FAM13B: variants seen among roughly 807,000 people sequenced by gnomAD.
FAM13B encodes family with sequence similarity 13 member B.
Under a neutral mutation model 117.3 loss-of-function variants are expected in FAM13B, and 60 were observed. That is an observed-to-expected ratio of 0.51 (90% confidence interval 0.42 to 0.63). The LOEUF is 0.63. FAM13B is among the 30% of genes least tolerant of loss of function. The probability of loss-of-function intolerance (pLI) is 0.00; values close to 1 mark genes in which losing one functional copy is unlikely to be tolerated. For synonymous variants in FAM13B, 332 were observed against 356.1 expected (o/e 0.93, Z 0.76); for missense variants, 972 against 1,091.9 (o/e 0.89, Z 1.55).
At chr5:137,954,503 C>CAA (rs1554116716) in intron 14 of FAM13B, 127 bp from the exon 15 acceptor site, 1 of 547,844 alleles carries the variant, frequency 1.8e-6, no homozygotes, top group Non-Finnish European at 3.2e-6. Flanking sequence ...TACATACACA[C>CAA]ATACACACAC....
chr5:137,967,176 A>C (rs978893998), intron 10 of FAM13B, among the ~76,000 whole-genome samples: 1 of 152,182 alleles, frequency 6.6e-6, no homozygotes, highest in African/African-American at 2.4e-5. Flanking sequence ...AAAAGACAAA[A>C]AACTGGAAAC....
chr5:137,992,335 T>G (rs1581194210), intron 7 of FAM13B, among the ~76,000 whole-genome samples: 1 of 148,144 alleles, frequency 6.8e-6, no homozygotes, highest in African/African-American at 2.5e-5. Flanking sequence ...GGCTCATGCC[T>G]GTAATCTCAG....
intron 1 of FAM13B, among the ~76,000 whole-genome samples, chr5:138,025,045 G>T (rs1309335115): frequency 1.3e-5 from 2 of 151,482 alleles, no homozygotes; most frequent in African/African-American, 4.9e-5. Flanking sequence ...TAATTTTTTT[G>T]TATTTTTTGG....
At position 137,962,399 on chromosome 5, in the gene FAM13B, G is replaced by A; in HGVS notation, c.1244+6C>T. 1 of 1,612,610 alleles carries A rather than the reference G, an allele frequency of 6.2e-7. No homozygotes were observed. Among genetic ancestry groups the A allele is most frequent in the Non-Finnish European group, 8.5e-7 (1 of 1,179,220 alleles). ...TGATTAATTAGCAACAAGAAAAAAT[G>A]CTTACCTCTCAAGACAGCCATCTTC... On this transcript the variant is annotated splice_donor_region_variant and intron_variant, in intron 11 of 23. Transcript: ENST00000689681.
upstream of FAM13B, chr5:138,033,083 G>T (rs900212793): frequency 1.2e-5 from 12 of 985,966 alleles, no homozygotes; most frequent in African/African-American, 8.7e-5. Flanking sequence ...AGCGGCTGGC[G>T]GGCGGAGGCC....
rs1791745216 is a variant in FAM13B at position 138,049,641 on chromosome 5, A to G, written c.-203+2237T>C. 2.0e-5 allele frequency among the ~76,000 whole-genome samples: 3 copies of G among 152,100 alleles called. No homozygotes were observed. In the South Asian group the frequency reaches 6.2e-4, roughly 32 times the overall value. Reference sequence around the variant, plus strand: ...GGAGTAAGTTACCAAGCAAAACAGGATTTTCCATCTGTCAGCCTCCATTCC... The same window carrying G: ...GGAGTAAGTTACCAAGCAAAACAGGGTTTTCCATCTGTCAGCCTCCATTCC... On this transcript the variant is annotated intron_variant, in intron 1 of 3. Coordinates refer to the FAM13B transcript ENST00000502471.
chr5:137,982,917 A>C (rs930257371), intron 10 of FAM13B, among the ~76,000 whole-genome samples: 1 of 152,188 alleles, frequency 6.6e-6, no homozygotes, highest in Non-Finnish European at 1.5e-5. Flanking sequence ...TGCTTGGTAA[A>C]AATATACCAG....
intron 1 of FAM13B, among the ~76,000 whole-genome samples, chr5:138,032,318 A>G (rs1377520649): frequency 6.6e-6 from 1 of 152,222 alleles, no homozygotes; most frequent in Non-Finnish European, 1.5e-5. Context: ...GCAACCACTC[A>G]TCTCACGTGA....
At chr5:137,977,875 G>A (rs1232387340) in intron 10 of FAM13B, among the ~76,000 whole-genome samples, 2 of 152,156 alleles carry the variant, frequency 1.3e-5, no homozygotes, top group Non-Finnish European at 2.9e-5. Flanking sequence ...CAGAGAAACT[G>A]TTGGAAACAT....
intron 7 of FAM13B, among the ~76,000 whole-genome samples, chr5:137,993,439 C>A (rs1375885282): frequency 2.0e-5 from 3 of 151,852 alleles, no homozygotes; most frequent in East Asian, 3.9e-4. Flanking sequence ...CCAGCCTGGG[C>A]AACATAGCAA....
At chr5:138,012,033 C>CCCTG (rs1376717340) in intron 4 of FAM13B, 88 bp from the exon 5 acceptor site, 5 of 856,842 alleles carry the variant, frequency 5.8e-6, no homozygotes, top group Non-Finnish European at 7.1e-6. Context: ...CCACCCACAT[C>CCCTG]ACCTTTTTAA....
rs1214698034 is a variant in FAM13B at position 137,962,430 on chromosome 5, C to T, written c.1219G>A (p.Asp407Asn). The change falls in exon 11 of 24, where the codon GAT becomes AAT. Residue 407 changes from aspartate (D) to asparagine (N), a missense_variant. By Grantham distance (23) the Asp-to-Asn change is conservative (BLOSUM62 1). Transcript: ENST00000689681. ...CTCTCAAGACAGCCATCTTCACTAT[C>T]ACCACGGTCACTGCATGGCTCTAAC... ...ILLEPCSDRG[D>N]SEDGCLEREE... The T allele has an allele frequency of 1.9e-6, 3 of 1,613,726 alleles. No homozygotes were observed. Among genetic ancestry groups the T allele is most frequent in the Non-Finnish European group, 1.7e-6 (2 of 1,179,842 alleles).
At chr5:137,958,713 T>G (rs1239422088) in intron 13 of FAM13B, among the ~76,000 whole-genome samples, 1 of 152,250 alleles carries the variant, frequency 6.6e-6, no homozygotes, top group South Asian at 2.1e-4. Context: ...ATTTATTGCT[T>G]GATTCCCACC....
intron 17 of FAM13B, among the ~76,000 whole-genome samples, chr5:137,950,146 A>G (rs905503263): frequency 1.3e-5 from 2 of 152,234 alleles, no homozygotes; most frequent in Non-Finnish European, 2.9e-5. Flanking sequence ...CCAAATACTC[A>G]GATTAGTAAA....
intron 1 of FAM13B, among the ~76,000 whole-genome samples, chr5:138,048,429 C>CTAGCCTATA (rs1404202918): frequency 6.6e-6 from 1 of 152,102 alleles, no homozygotes; most frequent in Non-Finnish European, 1.5e-5. Flanking sequence ...CCCTAGGACA[C>CTAGCCTATA]AGTACACTAG....
intron 10 of FAM13B, among the ~76,000 whole-genome samples, chr5:137,977,582 G>A (rs895811814): frequency 2.6e-5 from 4 of 152,156 alleles, no homozygotes; most frequent in South Asian, 2.1e-4. Context: ...AGGGAAAATA[G>A]AAAAGAACCT....
At chr5:137,949,999 C>T (rs939901799) in intron 17 of FAM13B, among the ~76,000 whole-genome samples, 5 of 151,942 alleles carry the variant, frequency 3.3e-5, no homozygotes, top group African/African-American at 4.8e-5. Context: ...AAAGAGAGAA[C>T]AAGCTATTAT....
intron 7 of FAM13B, among the ~76,000 whole-genome samples, chr5:137,998,819 A>G (rs898240526): frequency 1.3e-5 from 2 of 152,190 alleles, no homozygotes; most frequent in Non-Finnish European, 2.9e-5. Flanking sequence ...TCCCATCCCC[A>G]TCATGGTCCT....
chr5:137,957,384 T>C, intron 13 of FAM13B, among the ~76,000 whole-genome samples: 1 of 151,654 alleles, frequency 6.6e-6, no homozygotes, highest in Admixed American at 6.6e-5. Context: ...TCTACTAAAA[T>C]ACAAAATTAG....
Sources: gnomAD v4.1 joint callset for allele counts (sites outside exome capture counted in the v4.1 genomes callset) on GRCh38, gnomAD v4.1.1 for gene constraint, MANE v1.5 for transcripts, NCBI Gene and HGNC (gene_info 2026-07-23, HGNC 2026-07-21) for gene names.